RSU1: variants seen among roughly 807,000 people sequenced by gnomAD.
The protein encoded by RSU1 is rsu-1.
RSU1 carries 26 observed loss-of-function variants against 31.1 expected under a neutral mutation model. The observed-to-expected ratio is 0.84, with a 90% CI of 0.61 to 1.16. The LOEUF is 1.16. RSU1 is among the 50% of genes most tolerant of loss of function. The pLI, the probability that RSU1 is intolerant of heterozygous loss-of-function variation, is 0.00. For missense variants in RSU1, 320 were observed against 339.1 expected (o/e 0.94, Z 0.44); for synonymous variants, 164 against 136.3 (o/e 1.20, Z -1.41).
At chr10:16,697,893 T>C (rs1213875995) in intron 7 of RSU1, among the ~76,000 whole-genome samples, 1 of 151,966 alleles carries the variant, frequency 6.6e-6, no homozygotes, top group Non-Finnish European at 1.5e-5. Context: ...TGGTAGAATT[T>C]TACTCTGTTG....
chr10:16,782,099 A>C lies in RSU1; in HGVS notation c.110-15T>G. 1 of 1,592,606 alleles carries C rather than the reference A, an allele frequency of 6.3e-7. No individual in the cohort carries two copies. Among genetic ancestry groups the C allele is most frequent in the South Asian group, 1.1e-5 (1 of 89,096 alleles). On this transcript the variant is annotated splice_polypyrimidine_tract_variant and intron_variant, in intron 2 of 8. Coordinates refer to ENST00000345264, the MANE Select transcript of RSU1 (RefSeq NM_012425.4). ...GGATAAGGTAACTAAAAAGAAAAGA[A>C]AAAAAAAAAGGTCAGTCAGTAAATG... is the stretch of plus-strand genomic sequence containing the variant.
intron 8 of RSU1, among the ~76,000 whole-genome samples, chr10:16,675,902 G>C (rs1428207357): frequency 6.6e-6 from 1 of 152,174 alleles, no homozygotes; most frequent in Non-Finnish European, 1.5e-5. Flanking sequence ...CCCTGGAGAA[G>C]GGCTCATTCT....
At chr10:16,678,892 T>C (rs1259079583) in intron 8 of RSU1, among the ~76,000 whole-genome samples, 1 of 151,470 alleles carries the variant, frequency 6.6e-6, no homozygotes, top group African/African-American at 2.4e-5. Flanking sequence ...GACTACTCCA[T>C]CATGGAAAAA....
At chr10:16,805,887 AAGG>A (rs972929148) in intron 2 of RSU1, among the ~76,000 whole-genome samples, 4 of 152,004 alleles carry the variant, frequency 2.6e-5, no homozygotes, top group Non-Finnish European at 4.4e-5. Context: ...TGAGGACTAG[AAGG>A]AGGAGTTAAG....
intron 7 of RSU1, among the ~76,000 whole-genome samples, chr10:16,744,131 C>CAAA (rs199565122): frequency 1.1e-4 from 13 of 114,964 alleles, no homozygotes; most frequent in African/African-American, 3.3e-4. Flanking sequence ...GACTCTGTCT[C>CAAA]AAAAAAAAAA....
chr10:16,604,236 G>A (rs927236954), intron 8 of RSU1, among the ~76,000 whole-genome samples: 2 of 152,240 alleles, frequency 1.3e-5, no homozygotes, highest in African/African-American at 2.4e-5. Flanking sequence ...AGAATAGATC[G>A]AAGCAGAAAC....
At chr10:16,737,312 C>A (rs1356876010) in intron 7 of RSU1, among the ~76,000 whole-genome samples, 1 of 151,558 alleles carries the variant, frequency 6.6e-6, no homozygotes, top group Non-Finnish European at 1.5e-5. Flanking sequence ...AAATAAAGAA[C>A]ATGTTACATG....
chr10:16,670,460 A>G (rs1835085526), intron 8 of RSU1, among the ~76,000 whole-genome samples: 1 of 152,180 alleles, frequency 6.6e-6, no homozygotes, highest in African/African-American at 2.4e-5. Context: ...TGAAGCTAGA[A>G]TATTCTGTTG....
At chr10:16,694,986 C>A in intron 8 of RSU1, 37 bp downstream of exon 8, 1 of 1,562,574 alleles carries the variant, frequency 6.4e-7, no homozygotes, top group South Asian at 1.1e-5. Flanking sequence ...ACTATAAAAT[C>A]ACAGTCTACT....
chr10:16,726,267 CTTT>C (rs760586484), intron 7 of RSU1, among the ~76,000 whole-genome samples: 3 of 137,078 alleles, frequency 2.2e-5, no homozygotes, highest in Non-Finnish European at 1.5e-5. Flanking sequence ...AGGAACGTAT[CTTT>C]TTTTTTTTTT....
chr10:16,593,430 CTT>C lies in RSU1; in HGVS notation c.796_797del (p.Lys266AspfsTer39). 6.2e-7 allele frequency: 1 copy of C among 1,614,036 alleles called. No individual in the cohort carries two copies. The highest frequency in any genetic ancestry group is 8.5e-7 in the Non-Finnish European group (1 of 1,180,004). On this transcript the variant is annotated frameshift_variant, in exon 9 of 9. Coordinates refer to ENST00000345264, the MANE Select transcript of RSU1 (RefSeq NM_012425.4). LOFTEE classifies it high-confidence loss of function. Reference protein sequence around the residue: ...PPKKNNDKSKKISRKPLAAKN... With the variant: ...PPKKNNDKSKXISRKPLAAKN... Reference sequence around the variant, plus strand: ...TGGCTGCCAGGGGTTTCCGGCTGATCTTTTTCGATTTGTCATTATTCTTCTTC... The same window carrying C: ...TGGCTGCCAGGGGTTTCCGGCTGATCTTTCGATTTGTCATTATTCTTCTTC...
At position 16,694,878 on chromosome 10, in the gene RSU1, C is replaced by T. The variant is rs535151033; in HGVS notation, c.731+145G>A. On this transcript the variant is annotated intron_variant, in intron 8 of 8. Coordinates refer to ENST00000345264, the MANE Select transcript of RSU1 (RefSeq NM_012425.4). Reference sequence around the variant, plus strand: ...AGCTGTGAGCCACACCACACCTGGCCGACATGCAGTTTTTAATAAAACATC... The same window carrying T: ...AGCTGTGAGCCACACCACACCTGGCTGACATGCAGTTTTTAATAAAACATC... 247 of 743,738 alleles carry T rather than the reference C, an allele frequency of 3.3e-4. 3 individuals carry two copies. The South Asian group carries it at 3.7e-3, about 11-fold the overall frequency. 46.1% of individuals were successfully genotyped at this position (743,738 alleles called of 1,614,324 possible).
intron 8 of RSU1, among the ~76,000 whole-genome samples, chr10:16,659,301 CTT>C (rs869035739): frequency 0.12 from 12,083 of 100,798 alleles, 907 homozygotes; most frequent in African/African-American, 0.31. Flanking sequence ...AGGTTATATT[CTT>C]TTTTTTTTTT....
At chr10:16,689,991 T>C (rs1367701965) in intron 8 of RSU1, among the ~76,000 whole-genome samples, 2 of 152,210 alleles carry the variant, frequency 1.3e-5, no homozygotes, top group Non-Finnish European at 2.9e-5. Context: ...ACCTCTTTTG[T>C]TAACTTGTTG....
intron 7 of RSU1, among the ~76,000 whole-genome samples, chr10:16,701,433 T>A (rs1835790820): frequency 6.6e-6 from 1 of 152,172 alleles, no homozygotes; most frequent in South Asian, 2.1e-4. Context: ...GCTCTCAAAT[T>A]TATTCTGTGG....
intron 8 of RSU1, among the ~76,000 whole-genome samples, chr10:16,645,870 A>ATATTCCAGAAAG (rs1564298092): frequency 1.7e-5 from 2 of 120,840 alleles, no homozygotes; most frequent in Admixed American, 8.6e-5. Context: ...ACGTATATAT[A>ATATTCCAGAAAG]CATATATGTG....
intron 2 of RSU1, among the ~76,000 whole-genome samples, chr10:16,785,457 T>TATACAC (rs879683799): frequency 3.3e-5 from 4 of 122,712 alleles, no homozygotes; most frequent in South Asian, 2.6e-4. Flanking sequence ...TATACATATA[T>TATACAC]ACATATATAT....
intron 8 of RSU1, among the ~76,000 whole-genome samples, chr10:16,631,455 A>C (rs1363134550): frequency 6.6e-6 from 1 of 152,178 alleles, no homozygotes; most frequent in Non-Finnish European, 1.5e-5. Context: ...AAGGAGGGGA[A>C]ACACGGCGTG....
intron 8 of RSU1, among the ~76,000 whole-genome samples, chr10:16,681,969 G>A (rs942810224): frequency 6.6e-6 from 1 of 151,840 alleles, no homozygotes; most frequent in Admixed American, 6.6e-5. Context: ...TTACAGCATG[G>A]TGCATCCTAT....
Sources: gnomAD v4.1 joint callset for allele counts (sites outside exome capture counted in the v4.1 genomes callset) on GRCh38, gnomAD v4.1.1 for gene constraint, MANE v1.5 for transcripts, NCBI Gene and HGNC (gene_info 2026-07-23, HGNC 2026-07-21) for gene names.